PCDHGA6: variants seen among roughly 807,000 people sequenced by gnomAD.
PCDHGA6 encodes protocadherin gamma-A6.
Under a neutral mutation model 60.6 loss-of-function variants are expected in PCDHGA6, and 41 were observed. The ratio of observed to expected loss-of-function variants is 0.68; its 90% CI spans 0.53 to 0.88. The LOEUF is 0.88. PCDHGA6 is among the 40% of genes least tolerant of loss of function. PCDHGA6 has a pLI of 0.00. For missense variants in PCDHGA6, 1,312 were observed against 1,203.0 expected (o/e 1.09, Z -1.34); for synonymous variants, 594 against 524.4 (o/e 1.13, Z -1.81).
At chr5:141,393,142 T>C in intron 1 of PCDHGA6, 1 of 1,613,286 alleles carries the variant, frequency 6.2e-7, no homozygotes, top group Non-Finnish European at 8.5e-7. Flanking sequence ...AACACCCTGG[T>C]TGAGGATAAA....
intron 1 of PCDHGA6, among the ~76,000 whole-genome samples, chr5:141,454,266 C>T (rs2098785508): frequency 1.3e-5 from 2 of 152,132 alleles, no homozygotes; most frequent in African/African-American, 4.8e-5. Flanking sequence ...AAAGTAATGC[C>T]AGCAAAAACT....
intron 1 of PCDHGA6, chr5:141,390,312 C>A: frequency 1.2e-6 from 2 of 1,612,028 alleles, no homozygotes; most frequent in South Asian, 2.2e-5. Flanking sequence ...ATTTAATGCT[C>A]ATTGCCTACC....
rs866752085 is a variant in PCDHGA6, at chr5:141,424,634, A to G, written c.2424+48127A>G. ...AATAGAGTAGTTTGTGAATATATAA[A>G]TAGATTGAAGGTATTTGGACTTTAA... On this transcript the variant is annotated intron_variant, in intron 1 of 3. Coordinates refer to ENST00000517434, the MANE Select transcript of PCDHGA6 (RefSeq NM_018919.3). 6 of 152,338 alleles carry G rather than the reference A, an allele frequency of 3.9e-5. No individual in the cohort carries two copies. The South Asian group carries it at 1.2e-3, about 32-fold the overall frequency. 9.4% of individuals were successfully genotyped at this position (152,338 alleles called of 1,614,324 possible).
intron 1 of PCDHGA6, among the ~76,000 whole-genome samples, chr5:141,387,047 TTGTGTAA>T (rs1005909383): frequency 1.3e-4 from 20 of 152,186 alleles, no homozygotes; most frequent in African/African-American, 4.8e-4. Flanking sequence ...AGTAAAATAA[TTGTGTAA>T]TGAGGAGAGG....
intron 1 of PCDHGA6, among the ~76,000 whole-genome samples, chr5:141,438,655 T>G (rs1436221152): frequency 7.1e-6 from 1 of 140,042 alleles, no homozygotes; most frequent in East Asian, 2.1e-4. Flanking sequence ...CACACACATA[T>G]ATGTATATAT....
intron 1 of PCDHGA6, chr5:141,396,655 C>T (rs1589287485): frequency 6.6e-6 from 1 of 152,052 alleles, no homozygotes; most frequent in South Asian, 2.1e-4. Context: ...AGTAAAAACT[C>T]GGTATAGGCT....
intron 1 of PCDHGA6, chr5:141,415,325 C>T (rs1046074461): frequency 2.2e-5 from 35 of 1,614,212 alleles, no homozygotes; most frequent in East Asian, 6.7e-5. Context: ...GTGCTGCTGG[C>T]GCACAGGCTG....
chr5:141,381,932 C>T lies in PCDHGA6; in HGVS notation c.2424+5425C>T, dbSNP rs1205042648. Among the ~76,000 whole-genome samples the T allele has an allele frequency of 2.1e-5, 3 of 144,772 alleles. No homozygotes were observed. The Admixed American group carries it at 2.2e-4, about 11-fold the overall frequency. The allele number at this position is 144,772 out of a possible 152,430, so 95.0% of individuals were successfully genotyped here. A position where few individuals can be genotyped will look rare whatever the true frequency, so the allele number is the denominator to read the frequency against. ...ACAACCTCCACCTCCCGGGTTCAAG[C>T]GATTTTCCTGCCTCAGCCTCCTGAG... is the stretch of plus-strand genomic sequence containing the variant. On this transcript the variant is annotated intron_variant, in intron 1 of 3. Transcript: ENST00000517434.
chr5:141,505,602 A>G lies in PCDHGA6; in HGVS notation c.2572+121A>G, dbSNP rs1041288927. 4.6e-5 allele frequency: 71 copies of G among 1,534,990 alleles called. 1 individual carries two copies. In the Admixed American group the frequency reaches 1.4e-3, roughly 30 times the overall value. On this transcript the variant is annotated intron_variant, in intron 3 of 3. Coordinates refer to ENST00000517434, the MANE Select transcript of PCDHGA6 (RefSeq NM_018919.3). ...GTGTAGTTTCTCCAGATCTTTCGGC[A>G]GGTCTGAAAGGACCCACAATTCCAA...
intron 1 of PCDHGA6, among the ~76,000 whole-genome samples, chr5:141,402,580 TA>T (rs2094282125): frequency 6.6e-6 from 1 of 152,226 alleles, no homozygotes; most frequent in Admixed American, 6.5e-5. Context: ...CTCAGATATC[TA>T]AAAAATAGAT....
chr5:141,394,616 C>A, intron 1 of PCDHGA6: 1 of 1,613,490 alleles, frequency 6.2e-7, no homozygotes, highest in African/African-American at 1.3e-5. Flanking sequence ...CGGGCCAGAA[C>A]GCCTGGCTGT....
chr5:141,422,577 T>G, intron 1 of PCDHGA6: 1 of 1,613,848 alleles, frequency 6.2e-7, no homozygotes, highest in Non-Finnish European at 8.5e-7. Context: ...ACGATAACCC[T>G]CCCGTTTTTC....
At chr5:141,405,830 G>A (rs1214599375) in intron 1 of PCDHGA6, among the ~76,000 whole-genome samples, 3 of 152,148 alleles carry the variant, frequency 2.0e-5, no homozygotes, top group East Asian at 1.9e-4. Flanking sequence ...ACTTAAGGTA[G>A]TATAAGTTGA....
At chr5:141,456,912 G>A (rs566842808) in intron 1 of PCDHGA6, among the ~76,000 whole-genome samples, 2 of 152,206 alleles carry the variant, frequency 1.3e-5, no homozygotes, top group South Asian at 2.1e-4. Context: ...GCAGTGAGCC[G>A]AGATCGCACC....
intron 1 of PCDHGA6, among the ~76,000 whole-genome samples, chr5:141,435,227 G>T (rs1461159947): frequency 1.3e-5 from 2 of 152,030 alleles, no homozygotes; most frequent in African/African-American, 4.8e-5. Context: ...TTCTTTCAAA[G>T]TTCAGTAATT....
At chr5:141,415,302 G>A in intron 1 of PCDHGA6, 3 of 1,614,212 alleles carry the variant, frequency 1.9e-6, no homozygotes, top group South Asian at 2.2e-5. Context: ...GCGTCTTCCT[G>A]GCCTTCGTCA....
chr5:141,471,394 G>A (rs1349459242), intron 1 of PCDHGA6: 1 of 152,056 alleles, frequency 6.6e-6, no homozygotes, highest in Non-Finnish European at 1.5e-5. Context: ...TACAAGTTAC[G>A]TAGCTAGGCT....
chr5:141,429,510 T>A (rs2097220128), intron 1 of PCDHGA6, among the ~76,000 whole-genome samples: 1 of 152,124 alleles, frequency 6.6e-6, no homozygotes, highest in African/African-American at 2.4e-5. Context: ...AAACTGTGCC[T>A]GGCAGAGAAA....
chr5:141,424,195 A>C (rs2096804945), intron 1 of PCDHGA6: 1 of 183,680 alleles, frequency 5.4e-6, no homozygotes, highest in Non-Finnish European at 1.1e-5. Context: ...ACACACTTAT[A>C]CACGTAAGCT....
Sources: allele counts gnomAD v4.1 joint callset (sites outside exome capture counted in the v4.1 genomes callset), GRCh38; gene constraint gnomAD v4.1.1; transcripts MANE v1.5; gene names NCBI Gene and HGNC (gene_info 2026-07-23, HGNC 2026-07-21).